The following RAD51AP2 variants were observed in gnomAD, a reference collection of about 807,000 sequenced individuals.
RAD51AP2 encodes the protein RAD51 associated protein 2.
RAD51AP2 carries 67 observed loss-of-function variants against 85.5 expected under a neutral mutation model. The ratio of observed to expected loss-of-function variants is 0.78; its 90% CI spans 0.64 to 0.96. The LOEUF (loss-of-function observed/expected upper bound fraction) is 0.96. RAD51AP2 is among the 40% of genes least tolerant of loss of function. RAD51AP2 has a pLI of 0.00. For synonymous variants in RAD51AP2, 474 were observed against 446.5 expected (o/e 1.06, Z -0.78); for missense variants, 1,307 against 1,332.4 (o/e 0.98, Z 0.30).
chr2:17,516,584 C>G lies in RAD51AP2; in HGVS notation c.1832G>C (p.Cys611Ser), dbSNP rs1405875974. 6.3e-7 allele frequency: 1 copy of G among 1,586,206 alleles called. No individual in the cohort carries two copies. Among genetic ancestry groups the G allele is most frequent in the Admixed American group, 1.8e-5 (1 of 56,156 alleles). ...FELEEECIFK[C>S]MLYLKYPKNI... The stretch of plus-strand genomic sequence containing the variant: ...TTTTGGATACTTCAAATAAAGCATG[C>G]ACTTGAAAATGCATTCCTCTTCTAA... The change falls in exon 1 of 3, where the codon TGC (cysteine) becomes TCC (serine). Residue 611 changes from cysteine (C) to serine (S), a missense_variant. Physicochemically the swap from Cys to Ser is moderately radical, Grantham distance 112 (BLOSUM62 -1). Coordinates refer to ENST00000399080, the MANE Select transcript of RAD51AP2 (RefSeq NM_001099218.3).
At chr2:17,527,581 C>T in the RAD51AP2 span, among the ~76,000 whole-genome samples, 5 of 151,976 alleles carry the variant, frequency 3.3e-5, no homozygotes, top group Non-Finnish European at 7.4e-5. Flanking sequence ...TAGTATCGGC[C>T]ACAGGAATAA....
chr2:17,521,531 A>G (rs1010281461), upstream of RAD51AP2, among the ~76,000 whole-genome samples: 7 of 152,112 alleles, frequency 4.6e-5, no homozygotes, highest in African/African-American at 7.2e-5. Context: ...AAATATTTAA[A>G]TACAGCAGTT....
At chr2:17,524,559 TA>T in the RAD51AP2 span, among the ~76,000 whole-genome samples, 1 of 151,970 alleles carries the variant, frequency 6.6e-6, no homozygotes, top group African/African-American at 2.4e-5. Flanking sequence ...AACTTCCTTT[TA>T]TTTCCATACT....
upstream of RAD51AP2, among the ~76,000 whole-genome samples, chr2:17,523,287 T>G (rs573632245): frequency 2.6e-5 from 4 of 152,046 alleles, no homozygotes; most frequent in East Asian, 5.8e-4. Flanking sequence ...TCAGAAGAGT[T>G]GATTGTTAGC....
At chr2:17,527,206 G>A in the RAD51AP2 span, among the ~76,000 whole-genome samples, 2,542 of 152,180 alleles carry the variant, frequency 0.017, 34 homozygotes, top group Middle Eastern at 0.024. Context: ...ATTTATGAAT[G>A]ATATCCTTTT....
chr2:17,513,964 T>C (rs1248784899), intron 2 of RAD51AP2, 48 bp downstream of exon 2: 1 of 965,734 alleles, frequency 1.0e-6, no homozygotes, highest in African/African-American at 1.6e-5. Flanking sequence ...AATACCATAA[T>C]GCAATAATCA....
chr2:17,524,896 A>C, the RAD51AP2 span, among the ~76,000 whole-genome samples: 2 of 151,916 alleles, frequency 1.3e-5, no homozygotes, highest in Non-Finnish European at 2.9e-5. Context: ...TCACAGAGGA[A>C]AGGATTGAAA....
chr2:17,510,584 T>C lies in RAD51AP2; in HGVS notation c.*220A>G. On this transcript the variant is annotated 3_prime_UTR_variant, in exon 3 of 3. Coordinates refer to ENST00000399080, the MANE Select transcript of RAD51AP2 (RefSeq NM_001099218.3). ...AAAAATAATAAGTCAACATGTTTTA[T>C]CCAATAATGAAACGGCTTTAATGTG... is the stretch of plus-strand genomic sequence containing the variant. The C allele has an allele frequency of 3.3e-6, 1 of 302,406 alleles. No individual in the cohort carries two copies. The highest frequency in any genetic ancestry group is 6.0e-6 in the Non-Finnish European group (1 of 166,678). The allele number at this position is 302,406 out of a possible 1,614,324, so 18.7% of individuals were successfully genotyped here. A position where few individuals can be genotyped will look rare whatever the true frequency, so the allele number is the denominator to read the frequency against.
chr2:17,526,320 C>T, the RAD51AP2 span, among the ~76,000 whole-genome samples: 8 of 149,394 alleles, frequency 5.4e-5, no homozygotes, highest in East Asian at 7.7e-4. Context: ...ACACAAGGCT[C>T]GTCTTTCAAT....
upstream of RAD51AP2, among the ~76,000 whole-genome samples, chr2:17,519,874 A>G (rs1558268670): frequency 6.6e-6 from 1 of 152,174 alleles, no homozygotes; most frequent in Non-Finnish European, 1.5e-5. Context: ...GGTGACTTGT[A>G]TAGCTAAGGT....
At chr2:17,536,697 A>G in the RAD51AP2 span, among the ~76,000 whole-genome samples, 4 of 152,220 alleles carry the variant, frequency 2.6e-5, no homozygotes, top group Non-Finnish European at 4.4e-5. Context: ...CTGAATTTAG[A>G]TCCAGTCATG....
the RAD51AP2 span, among the ~76,000 whole-genome samples, chr2:17,528,946 A>C: frequency 2.0e-5 from 3 of 152,192 alleles, no homozygotes; most frequent in African/African-American, 7.2e-5. Flanking sequence ...CTTGGCTTTC[A>C]AATGATTATA....
chr2:17,519,394 A>C (rs1272980111), upstream of RAD51AP2, among the ~76,000 whole-genome samples: 1 of 152,086 alleles, frequency 6.6e-6, no homozygotes, highest in Non-Finnish European at 1.5e-5. Context: ...GTTTCTTAAG[A>C]AACATGTAAC....
chr2:17,525,183 T>C, the RAD51AP2 span, among the ~76,000 whole-genome samples: 1 of 152,084 alleles, frequency 6.6e-6, no homozygotes, highest in East Asian at 1.9e-4. Context: ...TAAATCTAAA[T>C]AGACATTATG....
At chr2:17,524,939 G>A in the RAD51AP2 span, among the ~76,000 whole-genome samples, 5 of 151,850 alleles carry the variant, frequency 3.3e-5, no homozygotes, top group Admixed American at 3.3e-4. Context: ...GGAAGCCTCA[G>A]GAGAGTAGTT....
At chr2:17,531,733 G>A in the RAD51AP2 span, among the ~76,000 whole-genome samples, 4,479 of 152,230 alleles carry the variant, frequency 0.029, 65 homozygotes, top group Middle Eastern at 0.055. Context: ...CTCTAAGGAA[G>A]TTATTTTAAA....
upstream of RAD51AP2, among the ~76,000 whole-genome samples, chr2:17,519,597 G>C (rs1273814946): frequency 6.6e-6 from 1 of 152,104 alleles, no homozygotes; most frequent in East Asian, 1.9e-4. Flanking sequence ...ATGTTCACCA[G>C]TTTCATGTTT....
Position 17,516,058 on chromosome 2 carries a change from G to A in RAD51AP2, c.2358C>T (p.Leu786=), listed in dbSNP as rs199822976. 8.7e-6 allele frequency: 14 copies of A among 1,613,582 alleles called. No homozygotes were observed. Among genetic ancestry groups the A allele is most frequent in the African/African-American group, 5.3e-5 (4 of 74,900 alleles). Residue 786 remains leucine, a synonymous_variant, in exon 1 of 3, where the codon CTC becomes CTT. Coordinates refer to ENST00000399080, the MANE Select transcript of RAD51AP2 (RefSeq NM_001099218.3). The part of the protein sequence containing the change: ...NFDCEHIFED[L]CNVRQQAIPA... ...GTATGGCCTGTTGCCTAACATTGCAGAGATCTTCAAATATGTGCTCACAGT... is the reference window on the plus strand; with the variant it reads ...GTATGGCCTGTTGCCTAACATTGCAAAGATCTTCAAATATGTGCTCACAGT...
At chr2:17,537,693 C>T in the RAD51AP2 span, among the ~76,000 whole-genome samples, 1 of 152,108 alleles carries the variant, frequency 6.6e-6, no homozygotes, top group African/African-American at 2.4e-5. Flanking sequence ...TGTCATTCTC[C>T]GTTTTCAATT....
Sources: gnomAD v4.1 joint callset for allele counts (sites outside exome capture counted in the v4.1 genomes callset) on GRCh38, gnomAD v4.1.1 for gene constraint, MANE v1.5 for transcripts, NCBI Gene and HGNC (gene_info 2026-07-23, HGNC 2026-07-21) for gene names.